SLC35F2: variants seen among roughly 807,000 people sequenced by gnomAD.
SLC35F2 encodes the protein solute carrier family 35 member F2.
In SLC35F2, 25 loss-of-function variants were observed where a neutral mutation model predicts 38.1. The ratio of observed to expected loss-of-function variants is 0.66; its 90% CI spans 0.48 to 0.92. The LOEUF (loss-of-function observed/expected upper bound fraction) is 0.92, where lower values mean the gene tolerates loss of function less well. Among genes scored for constraint, SLC35F2 ranks in the 40% least tolerant of loss-of-function variants. SLC35F2 has a pLI of 0.00. For synonymous variants in SLC35F2, 173 were observed against 181.7 expected (o/e 0.95, Z 0.38); for missense variants, 409 against 452.9 (o/e 0.90, Z 0.88).
chr11:107,823,044 T>C (rs1369417460), intron 1 of SLC35F2: 1 of 554,546 alleles, frequency 1.8e-6, no homozygotes, highest in Non-Finnish European at 2.3e-6. Flanking sequence ...TTAGCTCTTC[T>C]TTATTTACTA....
Position 107,792,004 on chromosome 11 carries a change from G to C in SLC35F2, c.*611C>G, listed in dbSNP as rs1037318533. 24 of 152,126 alleles carry C rather than the reference G, an allele frequency of 1.6e-4. No individual in the cohort carries two copies. The highest frequency in any genetic ancestry group is 5.8e-4 in the African/African-American group (24 of 41,470). 9.4% of individuals were successfully genotyped at this position (152,126 alleles called of 1,614,324 possible). On this transcript the variant is annotated 3_prime_UTR_variant, in exon 8 of 8. Transcript: ENST00000525815. ...ACAAACAAAAAAACAATTGTGGGAA[G>C]GTTCCTAGGTTTACTGCACTCCAGT...
chr11:107,815,921 C>T lies in SLC35F2; in HGVS notation c.155G>A (p.Cys52Tyr). 1 of 1,613,778 alleles carries T rather than the reference C, an allele frequency of 6.2e-7. No individual in the cohort carries two copies. The highest frequency in any genetic ancestry group is 1.7e-5 in the Admixed American group (1 of 59,932). The change falls in exon 2 of 8, where the codon TGT becomes TAT. Residue 52 changes from cysteine to tyrosine, a missense_variant. Transcript: ENST00000525815. ...GCTGGTGATGGCTGTCCCACATATA[C>T]ACAAGGACAACATCTGACCCAGGGC... ...TIALGQMLSL[C>Y]ICGTAITSQY...
At chr11:107,808,116 A>G (rs1859426469) in intron 3 of SLC35F2, among the ~76,000 whole-genome samples, 1 of 152,222 alleles carries the variant, frequency 6.6e-6, no homozygotes, top group South Asian at 2.1e-4. Flanking sequence ...ACAAAGAAGC[A>G]TGGGTTACTG....
chr11:107,858,713 C>A lies in SLC35F2; in HGVS notation c.55G>T (p.Ala19Ser). 1 of 1,300,896 alleles carries A rather than the reference C, an allele frequency of 7.7e-7. No homozygotes were observed. The highest frequency in any genetic ancestry group is 2.9e-5 in the East Asian group (1 of 35,082). 80.6% of individuals were successfully genotyped at this position (1,300,896 alleles called of 1,614,324 possible). Residue 19 changes from alanine to serine, a missense_variant, in exon 1 of 8, where the codon GCG becomes TCG. Physicochemically the swap from Ala to Ser is moderately conservative, Grantham distance 99. Coordinates refer to ENST00000525815, the MANE Select transcript of SLC35F2 (RefSeq NM_017515.5). ...PGAPEPLAEG[A>S]AAEFSSLLRR... ...AGCAGGCTGGAGAACTCGGCCGCCG[C>A]TCCCTCCGCGAGGGGCTCTGGGGCG...
chr11:107,856,645 T>G (rs953666459), intron 1 of SLC35F2, among the ~76,000 whole-genome samples: 4 of 151,762 alleles, frequency 2.6e-5, no homozygotes, highest in East Asian at 1.9e-4. Context: ...TGCAGTTAGC[T>G]GAGATAGAGC....
At chr11:107,825,824 CTGTT>C (rs1859746278) in intron 1 of SLC35F2, among the ~76,000 whole-genome samples, 1 of 152,098 alleles carries the variant, frequency 6.6e-6, no homozygotes, top group Admixed American at 6.6e-5. Context: ...AATCCATGGG[CTGTT>C]CAGGATCTGT....
In SLC35F2 at chr11:107,844,746, G is replaced by A. The variant is rs376423927; in HGVS notation, c.110+13912C>T. Among the ~76,000 whole-genome samples, 24 of 152,010 alleles carry A rather than the reference G, an allele frequency of 1.6e-4. No individual in the cohort carries two copies. The East Asian group carries it at 1.9e-3, about 12-fold the overall frequency. On this transcript the variant is annotated intron_variant, in intron 1 of 7. Coordinates refer to ENST00000525815, the MANE Select transcript of SLC35F2 (RefSeq NM_017515.5). ...TCCCAGCACTTTGGGAGGCCAAAGCGGGCGGATCACAAGGTCAGGAGATCG... is the reference window on the plus strand; with the variant it reads ...TCCCAGCACTTTGGGAGGCCAAAGCAGGCGGATCACAAGGTCAGGAGATCG...
chr11:107,802,312 A>G (rs939702970), intron 7 of SLC35F2, among the ~76,000 whole-genome samples: 3 of 151,786 alleles, frequency 2.0e-5, no homozygotes, highest in African/African-American at 7.3e-5. Flanking sequence ...AAGGTGTATC[A>G]GACTCTCTGA....
Position 107,792,327 on chromosome 11 carries a change from T to C in SLC35F2, c.*288A>G. On this transcript the variant is annotated 3_prime_UTR_variant, in exon 8 of 8. Transcript: ENST00000525815. ...CCTGGATCTCTCCCCAGTCCTGCTT[T>C]CCCACTGGTGCCTCTAAGACCCCAG... 3.8e-6 allele frequency: 1 copy of C among 266,580 alleles called. No individual in the cohort carries two copies. Among genetic ancestry groups the C allele is most frequent in the Non-Finnish European group, 7.0e-6 (1 of 142,842 alleles). The allele number at this position is 266,580 out of a possible 1,614,324, so 16.5% of individuals were successfully genotyped here. A position where few individuals can be genotyped will look rare whatever the true frequency, so the allele number is the denominator to read the frequency against.
rs7118011 is a variant in SLC35F2 at position 107,818,818 on chromosome 11, T to C, written c.111-2853A>G. Among the ~76,000 whole-genome samples the C allele has an allele frequency of 6.4e-3, 978 of 152,286 alleles. 15 individuals carry two copies. Among genetic ancestry groups the C allele is most frequent in the African/African-American group, 0.023 (947 of 41,568 alleles). The stretch of plus-strand genomic sequence containing the variant: ...CTCTTGATGTAATTTTCTAAGAGTT[T>C]TTTCTAGTTTTTAGCCAGGTGGTAG... On this transcript the variant is annotated intron_variant, in intron 1 of 7. Coordinates refer to ENST00000525815, the MANE Select transcript of SLC35F2 (RefSeq NM_017515.5).
At chr11:107,822,323 C>T (rs1399758172) in intron 1 of SLC35F2, among the ~76,000 whole-genome samples, 1 of 152,194 alleles carries the variant, frequency 6.6e-6, no homozygotes, top group African/African-American at 2.4e-5. Context: ...AAATGTATAT[C>T]GTAACCTCCC....
intron 2 of SLC35F2, among the ~76,000 whole-genome samples, chr11:107,814,905 C>T (rs566052111): frequency 1.9e-4 from 29 of 152,164 alleles, no homozygotes; most frequent in Middle Eastern, 3.4e-3. Flanking sequence ...AGGTAAGACC[C>T]GGACTCCACT....
intron 6 of SLC35F2, among the ~76,000 whole-genome samples, chr11:107,804,230 A>G (rs1859361119): frequency 1.3e-5 from 2 of 152,050 alleles, no homozygotes; most frequent in Admixed American, 1.3e-4. Flanking sequence ...CCACCCCATC[A>G]TTAAACCAGG....
chr11:107,810,142 C>A (rs1231189017), intron 3 of SLC35F2: 1 of 985,328 alleles, frequency 1.0e-6, no homozygotes, highest in Non-Finnish European at 1.2e-6. Context: ...TCATTCCTAT[C>A]ACAGCTGTCG....
At chr11:107,815,695 G>A (rs1189994299) in intron 2 of SLC35F2, 95 bp downstream of exon 2, 2 of 1,370,376 alleles carry the variant, frequency 1.5e-6, no homozygotes, top group Non-Finnish European at 2.0e-6. Context: ...TAAGTCTCCA[G>A]TCACTACTTT....
rs964133092 is a variant in SLC35F2 at position 107,791,366 on chromosome 11, A to C, written c.*1249T>G. 1.3e-5 allele frequency: 2 copies of C among 152,184 alleles called. No homozygotes were observed. Among genetic ancestry groups the C allele is most frequent in the African/African-American group, 4.8e-5 (2 of 41,454 alleles). 9.4% of individuals were successfully genotyped at this position (152,184 alleles called of 1,614,324 possible). ...CACTAAGACTTAGTTTCTTGAGCTG[A>C]TGCTAAATAAAATGAGATCAATAGG... On this transcript the variant is annotated 3_prime_UTR_variant, in exon 8 of 8. Transcript: ENST00000525815.
chr11:107,818,128 GAA>G (rs1179955063), intron 1 of SLC35F2, among the ~76,000 whole-genome samples: 1 of 141,322 alleles, frequency 7.1e-6, no homozygotes. Flanking sequence ...AAGAAAGAAA[GAA>G]AGAAAAAGAA....
chr11:107,811,842 C>T (rs1859485823), intron 2 of SLC35F2, 48 bp from the exon 3 acceptor site: 2 of 1,523,634 alleles, frequency 1.3e-6, no homozygotes, highest in South Asian at 1.2e-5. Flanking sequence ...CAAATGATAC[C>T]ATACATGTTG....
intron 7 of SLC35F2, among the ~76,000 whole-genome samples, chr11:107,795,301 A>C (rs1033839335): frequency 1.3e-5 from 2 of 152,198 alleles, no homozygotes; most frequent in South Asian, 4.1e-4. Flanking sequence ...ATCTCTCACC[A>C]TATAAAAAAA....
Sources: gnomAD v4.1 joint callset for allele counts (sites outside exome capture counted in the v4.1 genomes callset) on GRCh38, gnomAD v4.1.1 for gene constraint, MANE v1.5 for transcripts, NCBI Gene and HGNC (gene_info 2026-07-23, HGNC 2026-07-21) for gene names.